Variants in B4GALNT3 observed in about 807,000 individuals in gnomAD.
The protein encoded by B4GALNT3 is beta-1,4-N-acetylgalactosaminyltransferase 3.
In B4GALNT3, 86 loss-of-function variants were observed where a neutral mutation model predicts 120.2. The observed-to-expected ratio is 0.72, with a 90% CI of 0.60 to 0.86. The LOEUF is 0.86. Among genes scored for constraint, B4GALNT3 ranks in the 40% least tolerant of loss-of-function variants. The pLI is 0.00. For synonymous variants in B4GALNT3, 518 were observed against 510.4 expected (o/e 1.01, Z -0.20); for missense variants, 1,167 against 1,298.9 (o/e 0.90, Z 1.56).
chr12:523,623 C>G (rs1352009983), intron 1 of B4GALNT3, among the ~76,000 whole-genome samples: 1 of 152,192 alleles, frequency 6.6e-6, no homozygotes, highest in Non-Finnish European at 1.5e-5. Flanking sequence ...CTAGTCCGGT[C>G]CCTAGCACAG....
Position 548,238 on chromosome 12 carries a change from G to A in B4GALNT3, c.794G>A (p.Arg265Gln), listed in dbSNP as rs11063529. ...CTCTCTCTCCTCTTCCAGTGGCGAC[G>A]GAACGACCCTGGAGCCAAGTTCACC... ...GTDHVEVAWR[R>Q]NDPGAKFTII... is the part of the protein sequence containing the mutation. The change falls in exon 9 of 20, where the codon CGG becomes CAG. Residue 265 changes from arginine (R) to glutamine (Q), a missense_variant. Arg to Gln is a conservative substitution (Grantham distance 43, BLOSUM62 1). Transcript: ENST00000266383. The surrounding 1 kb of genome is among the most constrained non-coding windows in gnomAD (Gnocchi z 4.9). 0.22 allele frequency: 356,746 copies of A among 1,613,042 alleles called. 40,696 individuals are homozygous for A. Among genetic ancestry groups the A allele is most frequent in the Middle Eastern group, 0.25 (1,531 of 6,062 alleles).
At chr12:558,139 G>C (rs536662062) in intron 17 of B4GALNT3, 51 bp downstream of exon 17, 1 of 1,586,406 alleles carries the variant, frequency 6.3e-7, no homozygotes, top group South Asian at 1.1e-5. Flanking sequence ...CTGGTTAAGA[G>C]GTAGAGAGAC....
chr12:511,311 TCCGCCTTCTGCCTTCCAC>T (rs767581972), intron 1 of B4GALNT3, among the ~76,000 whole-genome samples: 30 of 114,386 alleles, frequency 2.6e-4, no homozygotes, highest in Non-Finnish European at 3.8e-4. Context: ...CCTTCCACCT[TCCGCCTTCTGCCTTCCAC>T]CTTCCACCTT....
At chr12:480,412 A>G (rs1946227688) in intron 1 of B4GALNT3, among the ~76,000 whole-genome samples, 1 of 9,730 alleles carries the variant, frequency 1.0e-4, no homozygotes, top group South Asian at 0.024. Context: ...CCTTTTCCGT[A>G]AACACGGAAG....
At chr12:504,977 G>A (rs556232609) in intron 1 of B4GALNT3, among the ~76,000 whole-genome samples, 4 of 151,386 alleles carry the variant, frequency 2.6e-5, no homozygotes, top group Admixed American at 1.3e-4. Context: ...TGCAACCTCC[G>A]CCTCTTGGGT....
chr12:557,913 C>T, intron 16 of B4GALNT3, 103 bp from the exon 17 acceptor site: 2 of 1,484,262 alleles, frequency 1.3e-6, no homozygotes, highest in Non-Finnish European at 1.9e-6. Context: ...CCCATAATCC[C>T]ATCCCAGGAG....
chr12:523,935 C>T (rs1230134075), intron 1 of B4GALNT3, among the ~76,000 whole-genome samples: 1 of 152,154 alleles, frequency 6.6e-6, no homozygotes, highest in East Asian at 1.9e-4. Context: ...GTGGCAGGCG[C>T]CTGTAATCCC....
rs765893277 is a variant in B4GALNT3, at chr12:460,583, GGGC to G, written c.169+51_169+53del. 1.5e-4 allele frequency: 200 copies of G among 1,335,792 alleles called. No homozygotes were observed. The highest frequency in any genetic ancestry group is 6.1e-4 in the South Asian group (32 of 52,452). The allele number at this position is 1,335,792 out of a possible 1,614,324, so 82.7% of individuals were successfully genotyped here. On this transcript the variant is annotated intron_variant, in intron 1 of 19. Coordinates refer to ENST00000266383, the MANE Select transcript of B4GALNT3 (RefSeq NM_173593.4). This position sits in a 1 kb window ranked among gnomAD's most constrained non-coding sequence, Gnocchi z 8.0. ...CAGGGGAGGCGAAGGGCGCGGGGGT[GGGC>G]GGCGGCGGCGGCTCCTGCGTTGGGG...
intron 1 of B4GALNT3, among the ~76,000 whole-genome samples, chr12:524,206 T>A (rs980438217): frequency 6.6e-6 from 1 of 152,156 alleles, no homozygotes; most frequent in African/African-American, 2.4e-5. Flanking sequence ...GGAAAGCAGA[T>A]CCCCATATTC....
intron 1 of B4GALNT3, among the ~76,000 whole-genome samples, chr12:474,350 A>G (rs1046516831): frequency 2.0e-5 from 3 of 152,166 alleles, no homozygotes; most frequent in African/African-American, 7.2e-5. Context: ...CCTCCCTCAC[A>G]ACACTTTTTC....
intron 13 of B4GALNT3, 88 bp from the exon 14 acceptor site, chr12:553,106 C>T (rs1330477329): frequency 5.2e-6 from 8 of 1,538,878 alleles, no homozygotes; most frequent in Non-Finnish European, 6.2e-6. Flanking sequence ...CATGGTGCGT[C>T]ACACGTATGA....
At chr12:526,993 C>T (rs1946764071) in intron 1 of B4GALNT3, among the ~76,000 whole-genome samples, 1 of 152,146 alleles carries the variant, frequency 6.6e-6, no homozygotes, top group Non-Finnish European at 1.5e-5. Context: ...CAGTTGTACA[C>T]TTGTGGCTCA....
chr12:525,086 TTTTATTTATTTA>T lies in B4GALNT3; in HGVS notation c.170-10057_170-10046del, dbSNP rs575604135. ...TCTAGCCTCTTCATAAATAACACAA[TTTTATTTATTTA>T]TTTATTTATTTATTTATTTATTGTT... On this transcript the variant is annotated intron_variant, in intron 1 of 19. Transcript: ENST00000266383. Among the ~76,000 whole-genome samples the T allele has an allele frequency of 1.5e-3, 196 of 130,616 alleles. 1 individual carries two copies. The highest frequency in any genetic ancestry group is 4.3e-3 in the African/African-American group (172 of 39,660). 85.7% of individuals were successfully genotyped at this position (130,616 alleles called of 152,430 possible).
At chr12:523,255 C>T (rs1419589577) in intron 1 of B4GALNT3, among the ~76,000 whole-genome samples, 4 of 152,166 alleles carry the variant, frequency 2.6e-5, no homozygotes, top group Admixed American at 1.3e-4. Flanking sequence ...GATAAATATG[C>T]CAGGCCTCTC....
intron 1 of B4GALNT3, among the ~76,000 whole-genome samples, chr12:520,601 G>A (rs922916226): frequency 6.6e-6 from 1 of 152,268 alleles, no homozygotes; most frequent in Non-Finnish European, 1.5e-5. Flanking sequence ...TCATTGCATT[G>A]CTGAAAGGTA....
chr12:474,295 A>G (rs775035582), intron 1 of B4GALNT3, among the ~76,000 whole-genome samples: 1 of 151,952 alleles, frequency 6.6e-6, no homozygotes, highest in Non-Finnish European at 1.5e-5. Context: ...GTATGGGGGG[A>G]TGGGGGATGT....
At chr12:516,759 T>G (rs1946660682) in intron 1 of B4GALNT3, among the ~76,000 whole-genome samples, 1 of 152,030 alleles carries the variant, frequency 6.6e-6, no homozygotes, top group Non-Finnish European at 1.5e-5. Context: ...TGACTTACAT[T>G]TTGGTGGAGT....
chr12:473,082 C>T (rs981906965), intron 1 of B4GALNT3, among the ~76,000 whole-genome samples: 3 of 152,024 alleles, frequency 2.0e-5, no homozygotes, highest in Admixed American at 1.3e-4. Flanking sequence ...AATCCTCCTG[C>T]CTTGGCCTCC....
intron 1 of B4GALNT3, among the ~76,000 whole-genome samples, chr12:519,719 T>C (rs528836725): frequency 1.3e-5 from 2 of 152,152 alleles, no homozygotes; most frequent in South Asian, 2.1e-4. Flanking sequence ...CTTGTTGATG[T>C]GTTGGTTCAC....
Sources: allele counts gnomAD v4.1 joint callset (sites outside exome capture counted in the v4.1 genomes callset), GRCh38; gene constraint gnomAD v4.1.1; non-coding constraint Gnocchi (gnomAD v3.1); transcripts MANE v1.5; gene names NCBI Gene and HGNC (gene_info 2026-07-23, HGNC 2026-07-21).